SIPA1L3: variants seen among roughly 807,000 people sequenced by gnomAD.
SIPA1L3 encodes the protein signal-induced proliferation-associated 1-like protein 3.
SIPA1L3 carries 59 observed loss-of-function variants against 150.1 expected under a neutral mutation model. The ratio of observed to expected loss-of-function variants is 0.39; its 90% CI spans 0.32 to 0.49. The LOEUF (loss-of-function observed/expected upper bound fraction) is 0.49. Ranked by LOEUF, SIPA1L3 falls within the 20% of genes least tolerant of loss-of-function variation. SIPA1L3 has a pLI of 0.86. For missense variants in SIPA1L3, 2,211 were observed against 2,489.5 expected, an observed-to-expected ratio of 0.89 and a Z score of 2.38; for synonymous variants, 1,070 against 1,077.6, an observed-to-expected ratio of 0.99 and a Z score of 0.14.
intron 15 of SIPA1L3, among the ~76,000 whole-genome samples, chr19:38,165,227 T>G (rs1972183762): frequency 6.6e-6 from 1 of 152,132 alleles, no homozygotes; most frequent in Non-Finnish European, 1.5e-5. Flanking sequence ...TTCTAAAGGG[T>G]CACAGACTGT....
chr19:37,909,973 T>TAA (rs34356507), intron 1 of SIPA1L3, among the ~76,000 whole-genome samples: 1 of 143,244 alleles, frequency 7.0e-6, no homozygotes, highest in Non-Finnish European at 1.5e-5. Context: ...AGCAGTGGCT[T>TAA]AAAAAAAAAA....
intron 19 of SIPA1L3, among the ~76,000 whole-genome samples, chr19:38,201,175 A>G (rs1370613945): frequency 2.0e-5 from 3 of 152,198 alleles, no homozygotes; most frequent in Non-Finnish European, 4.4e-5. Flanking sequence ...CTGGCTGTTC[A>G]TAGCTCACTG....
Position 38,066,306 on chromosome 19 carries a change from G to C in SIPA1L3, c.-310-14950G>C, listed in dbSNP as rs1183642129. Among the ~76,000 whole-genome samples, 4 of 152,248 alleles carry C rather than the reference G, an allele frequency of 2.6e-5. 1 individual carries two copies. The highest frequency in any genetic ancestry group is 3.9e-4 in the East Asian group (2 of 5,182). The stretch of plus-strand genomic sequence containing the variant: ...GGGTTGAAATTGATTACAGGCCTGA[G>C]CCACTGGCCTGGCCTAGCTCTTTTT... On this transcript the variant is annotated intron_variant, in intron 2 of 21. Coordinates refer to ENST00000222345, the MANE Select transcript of SIPA1L3 (RefSeq NM_015073.3).
chr19:37,949,517 T>C (rs1170863787), intron 1 of SIPA1L3, among the ~76,000 whole-genome samples: 1 of 151,888 alleles, frequency 6.6e-6, no homozygotes, highest in East Asian at 1.9e-4. Context: ...AATACAAAAT[T>C]AGCCAGGTGT....
chr19:37,942,372 C>T (rs766035870), intron 1 of SIPA1L3, among the ~76,000 whole-genome samples: 5 of 151,592 alleles, frequency 3.3e-5, no homozygotes, highest in Admixed American at 6.6e-5. Context: ...AGAGCCTCCT[C>T]GGGGTGGTGA....
chr19:38,080,661 T>G (rs577495674), intron 2 of SIPA1L3, among the ~76,000 whole-genome samples: 1 of 152,142 alleles, frequency 6.6e-6, no homozygotes, highest in South Asian at 2.1e-4. Context: ...GCTAAAATAT[T>G]TATGGGTGAA....
intron 1 of SIPA1L3, among the ~76,000 whole-genome samples, chr19:37,913,676 G>C (rs893514691): frequency 6.6e-6 from 1 of 150,630 alleles, no homozygotes; most frequent in African/African-American, 2.4e-5. Flanking sequence ...GATTACAGGC[G>C]TGAGCCACTG....
intron 4 of SIPA1L3, among the ~76,000 whole-genome samples, chr19:38,097,533 C>T (rs988278056): frequency 6.6e-6 from 1 of 152,068 alleles, no homozygotes; most frequent in Non-Finnish European, 1.5e-5. Context: ...CTTTCTGATA[C>T]TTTCTTTGGC....
chr19:37,975,237 G>A (rs183975145), intron 1 of SIPA1L3, among the ~76,000 whole-genome samples: 166 of 152,278 alleles, frequency 1.1e-3, no homozygotes, highest in African/African-American at 3.9e-3. Context: ...GAGAGAGAGC[G>A]AGGAGAGCAT....
intron 1 of SIPA1L3, among the ~76,000 whole-genome samples, chr19:38,026,920 T>A (rs998862016): frequency 1.3e-5 from 2 of 152,178 alleles, no homozygotes; most frequent in African/African-American, 4.8e-5. Flanking sequence ...GTTGCAAATA[T>A]CACAAAATAT....
Position 38,100,114 on chromosome 19 carries a change from G to A in SIPA1L3, c.1818G>A (p.Lys606=), listed in dbSNP as rs568085783. 3.1e-6 allele frequency: 5 copies of A among 1,599,992 alleles called. No individual in the cohort carries two copies. The South Asian group carries it at 5.6e-5, about 18-fold the overall frequency. ...HCLRLALNTP[K]VTEQLLKLDE... ...TGCGGCTGGCCCTCAACACCCCCAA[G>A]GTGACGGAGCAACTGCTGAAGCTCG... The change falls in exon 5 of 22, where the codon AAG becomes AAA. Residue 606 remains lysine (K), a synonymous_variant. Transcript: ENST00000222345.
chr19:37,968,584 A>G (rs940257613), intron 1 of SIPA1L3, among the ~76,000 whole-genome samples: 2 of 152,200 alleles, frequency 1.3e-5, no homozygotes, highest in African/African-American at 2.4e-5. Context: ...GTCCGAAGGA[A>G]ATGGAGATAA....
intron 9 of SIPA1L3, among the ~76,000 whole-genome samples, chr19:38,120,724 C>T (rs1039386694): frequency 1.3e-5 from 2 of 152,216 alleles, no homozygotes; most frequent in Non-Finnish European, 2.9e-5. Context: ...CTAAACCCCT[C>T]GTGGACAAAC....
chr19:38,101,859 G>A (rs912470923), intron 6 of SIPA1L3, among the ~76,000 whole-genome samples: 4 of 152,070 alleles, frequency 2.6e-5, no homozygotes, highest in African/African-American at 9.7e-5. Context: ...CCTAACCACC[G>A]GCACCTCGGT....
At chr19:38,016,502 C>T (rs1037369907) in intron 1 of SIPA1L3, among the ~76,000 whole-genome samples, 9 of 151,946 alleles carry the variant, frequency 5.9e-5, no homozygotes, top group African/African-American at 1.9e-4. Flanking sequence ...TGTGAATTCA[C>T]GTCTTCTTTT....
At position 38,004,818 on chromosome 19, in the gene SIPA1L3, T is replaced by C. The variant is rs142996785; in HGVS notation, c.-378-24271T>C. On this transcript the variant is annotated intron_variant, in intron 1 of 21. Coordinates refer to ENST00000222345, the MANE Select transcript of SIPA1L3 (RefSeq NM_015073.3). ...CACACATGCCACTGTATCTGCATTCTCTTCCTCACTTGTTCACTCCCCACC... is the reference window on the plus strand; with the variant it reads ...CACACATGCCACTGTATCTGCATTCCCTTCCTCACTTGTTCACTCCCCACC... 9.7e-4 allele frequency among the ~76,000 whole-genome samples: 148 copies of C among 152,256 alleles called. 2 individuals carry two copies. The East Asian group carries it at 0.019, about 20-fold the overall frequency.
At chr19:38,114,828 C>T (rs1431262351) in intron 8 of SIPA1L3, among the ~76,000 whole-genome samples, 1 of 152,230 alleles carries the variant, frequency 6.6e-6, no homozygotes, top group African/African-American at 2.4e-5. Flanking sequence ...AGATGGAGAG[C>T]GAGGGGGATC....
Position 38,046,952 on chromosome 19 carries a change from G to T in SIPA1L3, c.-311+17796G>T, listed in dbSNP as rs1013140344. On this transcript the variant is annotated intron_variant, in intron 2 of 21. Coordinates refer to ENST00000222345, the MANE Select transcript of SIPA1L3 (RefSeq NM_015073.3). The surrounding 1 kb of genome is among the most constrained non-coding windows in gnomAD (Gnocchi z 5.6). ...AACAGCACCACCTGGGTGGTTGAGT[G>T]GCTCTTCCAGAGACCCTTAAGTGGA... Among the ~76,000 whole-genome samples, 1 of 152,196 alleles carries T rather than the reference G, an allele frequency of 6.6e-6. No homozygotes were observed. The highest frequency in any genetic ancestry group is 2.4e-5 in the African/African-American group (1 of 41,440).
chr19:38,141,119 C>A, intron 10 of SIPA1L3, 65 bp from the exon 11 acceptor site: 1 of 1,472,164 alleles, frequency 6.8e-7, no homozygotes, highest in African/African-American at 1.4e-5. Context: ...AAAACCCAGC[C>A]TAGACAGCAG....
Sources: gnomAD v4.1 joint callset for allele counts (sites outside exome capture counted in the v4.1 genomes callset) on GRCh38, gnomAD v4.1.1 for gene constraint, Gnocchi (gnomAD v3.1) non-coding constraint, MANE v1.5 for transcripts, NCBI Gene and HGNC (gene_info 2026-07-23, HGNC 2026-07-21) for gene names.